The following BTBD9 variants were observed in gnomAD, a reference collection of about 807,000 sequenced individuals.
BTBD9 encodes BTB/POZ domain-containing protein 9.
In BTBD9, 49 loss-of-function variants were observed where a neutral mutation model predicts 64.3. The observed-to-expected ratio is 0.76, with a 90% CI of 0.61 to 0.97. The LOEUF is 0.97. Among genes scored for constraint, BTBD9 ranks in the 50% least tolerant of loss-of-function variants. The pLI, the probability that BTBD9 is intolerant of heterozygous loss-of-function variation, is 0.00. For synonymous variants in BTBD9, 260 were observed against 274.7 expected (o/e 0.95, Z 0.53); for missense variants, 598 against 762.1 (o/e 0.78, Z 2.53).
chr6:38,276,735 G>T (rs1437798713), intron 8 of BTBD9, among the ~76,000 whole-genome samples: 1 of 152,102 alleles, frequency 6.6e-6, no homozygotes, highest in Non-Finnish European at 1.5e-5. Flanking sequence ...GACGGTCATT[G>T]CCTGTATCTT....
At chr6:38,319,525 G>C (rs997485395) in intron 7 of BTBD9, among the ~76,000 whole-genome samples, 4 of 151,874 alleles carry the variant, frequency 2.6e-5, no homozygotes, top group African/African-American at 9.7e-5. Flanking sequence ...CCAGGACTGG[G>C]TCCTTCCCGT....
intron 8 of BTBD9, among the ~76,000 whole-genome samples, chr6:38,273,279 T>A (rs745941661): frequency 6.6e-6 from 1 of 152,138 alleles, no homozygotes; most frequent in Admixed American, 6.6e-5. Flanking sequence ...CCATGTGGGG[T>A]GCATTCCAAG....
chr6:38,342,615 C>T (rs1764148718), intron 7 of BTBD9, among the ~76,000 whole-genome samples: 1 of 151,118 alleles, frequency 6.6e-6, no homozygotes, highest in South Asian at 2.1e-4. Flanking sequence ...ACTTTTTTTC[C>T]CCCAAGAAAT....
chr6:38,563,767 CCTAT>C (rs935060238), intron 6 of BTBD9, among the ~76,000 whole-genome samples: 4 of 151,074 alleles, frequency 2.6e-5, no homozygotes, highest in Admixed American at 6.6e-5. Context: ...CTTTTGTCTG[CCTAT>C]CTAACTTTTT....
Position 38,593,974 on chromosome 6 carries a change from G to C in BTBD9, c.539C>G (p.Ser180Cys). ...AGACAAATGACACACCTTAGAAAGG[G>C]AGAGGAAACCTTCACTTGAGAGGAC... Reference protein sequence around the residue: ...QEVLSSEGFLSLSKTALLNIV... With the variant: ...QEVLSSEGFLCLSKTALLNIV... The change falls in exon 3 of 11, where the codon TCC (serine) becomes TGC (cysteine). Residue 180 changes from serine (S) to cysteine (C), a missense_variant. Coordinates refer to ENST00000481247, the MANE Select transcript of BTBD9 (RefSeq NM_001099272.2). The C allele has an allele frequency of 6.2e-7, 1 of 1,612,132 alleles. No homozygotes were observed.
intron 9 of BTBD9, among the ~76,000 whole-genome samples, chr6:38,247,297 A>G (rs1764241527): frequency 6.6e-6 from 1 of 152,202 alleles, no homozygotes; most frequent in Non-Finnish European, 1.5e-5. Flanking sequence ...CCACTGCAGC[A>G]CTTAGAAGAA....
At chr6:38,194,235 A>G (rs1454211802) in intron 9 of BTBD9, among the ~76,000 whole-genome samples, 1 of 151,968 alleles carries the variant, frequency 6.6e-6, no homozygotes, top group African/African-American at 2.4e-5. Context: ...CCACACACTC[A>G]TGTCCTTCCT....
At chr6:38,539,736 TAA>T in intron 6 of BTBD9, among the ~76,000 whole-genome samples, 1 of 152,084 alleles carries the variant, frequency 6.6e-6, no homozygotes, top group Admixed American at 6.5e-5. Flanking sequence ...AATTTGGGTA[TAA>T]AAACCCACCA....
intron 6 of BTBD9, among the ~76,000 whole-genome samples, chr6:38,566,722 C>A (rs1045943970): frequency 1.3e-5 from 2 of 152,080 alleles, no homozygotes; most frequent in African/African-American, 2.4e-5. Context: ...GCAAATGAGA[C>A]CAAAATGGAG....
At chr6:38,347,523 C>T (rs1009952190) in intron 6 of BTBD9, among the ~76,000 whole-genome samples, 6 of 152,220 alleles carry the variant, frequency 3.9e-5, no homozygotes, top group Non-Finnish European at 5.9e-5. Context: ...GGCATAAAGT[C>T]CCTACTCAAA....
In BTBD9 at chr6:38,634,576, TA is replaced by T. The variant is rs138777896; in HGVS notation, c.-28+5223del. Among the ~76,000 whole-genome samples the T allele has an allele frequency of 3.7e-3, 556 of 149,594 alleles. 6 individuals are homozygous for T. The highest frequency in any genetic ancestry group is 0.013 in the African/African-American group (513 of 40,768). ...TGCAAACTGGATTGTTCCTTTTTTT[TA>T]AAAAAAAAGGGGGGGGAGAGGGCAT... On this transcript the variant is annotated intron_variant, in intron 1 of 10. Coordinates refer to ENST00000481247, the MANE Select transcript of BTBD9 (RefSeq NM_001099272.2).
intron 6 of BTBD9, among the ~76,000 whole-genome samples, chr6:38,524,906 G>T (rs1479114349): frequency 2.6e-5 from 4 of 152,074 alleles, no homozygotes; most frequent in Non-Finnish European, 1.5e-5. Context: ...TGGAGTAGCT[G>T]GTAGTGTCAA....
chr6:38,258,110 C>T (rs550393078), intron 8 of BTBD9, among the ~76,000 whole-genome samples: 141 of 152,084 alleles, frequency 9.3e-4, no homozygotes, highest in Non-Finnish European at 1.7e-3. Flanking sequence ...CTCACCCTCC[C>T]GAGTAGCTGG....
chr6:38,341,796 A>G (rs1764110669), intron 7 of BTBD9, among the ~76,000 whole-genome samples: 1 of 152,238 alleles, frequency 6.6e-6, no homozygotes, highest in African/African-American at 2.4e-5. Flanking sequence ...GAAAGAATAC[A>G]TTCTAGCAAG....
chr6:38,381,544 CCAGA>C (rs759766858), intron 6 of BTBD9, among the ~76,000 whole-genome samples: 10 of 152,098 alleles, frequency 6.6e-5, no homozygotes, highest in South Asian at 2.1e-4. Context: ...GATAGATCAA[CCAGA>C]CAAAGTCAGA....
At chr6:38,596,732 C>T (rs1410144343) in intron 2 of BTBD9, among the ~76,000 whole-genome samples, 1 of 148,142 alleles carries the variant, frequency 6.8e-6, no homozygotes, top group Non-Finnish European at 1.5e-5. Flanking sequence ...ACCCGGGAGG[C>T]GGAGCTTGCA....
chr6:38,511,462 C>T (rs1312217208), intron 6 of BTBD9, among the ~76,000 whole-genome samples: 1 of 151,738 alleles, frequency 6.6e-6, no homozygotes, highest in Non-Finnish European at 1.5e-5. Flanking sequence ...CCTGCCTCAG[C>T]CTCCCGAGTA....
chr6:38,419,166 T>C (rs1306632303), intron 6 of BTBD9, among the ~76,000 whole-genome samples: 1 of 152,244 alleles, frequency 6.6e-6, no homozygotes, highest in East Asian at 1.9e-4. Context: ...CCGCTATTAA[T>C]AGTTTACTAT....
chr6:38,582,009 T>C (rs1161617309), intron 4 of BTBD9, among the ~76,000 whole-genome samples: 1 of 152,244 alleles, frequency 6.6e-6, no homozygotes, highest in Admixed American at 6.5e-5. Context: ...GTCTGGGCTA[T>C]AATCAGGTTA....
Sources: gnomAD v4.1 joint callset for allele counts (sites outside exome capture counted in the v4.1 genomes callset) on GRCh38, gnomAD v4.1.1 for gene constraint, MANE v1.5 for transcripts, NCBI Gene and HGNC (gene_info 2026-07-23, HGNC 2026-07-21) for gene names.